The following LRRC56 variants were observed in gnomAD, a reference collection of about 807,000 sequenced individuals.
The protein encoded by LRRC56 is leucine rich repeat containing 56, also known as leucine-rich repeat-containing protein 56.
Under a neutral mutation model 47.8 loss-of-function variants are expected in LRRC56, and 41 were observed. That is an observed-to-expected ratio of 0.86 (90% CI 0.67 to 1.11). The LOEUF is 1.11. Among genes scored for constraint, LRRC56 ranks in the 50% most tolerant of loss-of-function variants. The pLI is 0.00. For synonymous variants in LRRC56, 387 were observed against 311.2 expected (o/e 1.24, Z -2.56); for missense variants, 759 against 704.2 (o/e 1.08, Z -0.88).
At chr11:533,229 A>G (rs1851215218), upstream of LRRC56, 4 of 1,472,346 alleles carry the variant, frequency 2.7e-6, no homozygotes, top group Admixed American at 2.0e-5. Flanking sequence ...GTGAGCCCAG[A>G]CCCCGGCCCT....
At chr11:528,618 G>C in the LRRC56 span, 1 of 152,238 alleles carries the variant, frequency 6.6e-6, no homozygotes, top group Non-Finnish European at 1.5e-5. Flanking sequence ...CCCGGGTGGA[G>C]AGGGCCGAGT....
the LRRC56 span, among the ~76,000 whole-genome samples, chr11:524,170 TCA>T: frequency 1.3e-5 from 2 of 152,034 alleles, no homozygotes; most frequent in Non-Finnish European, 2.9e-5. Flanking sequence ...GAAAGAAGAC[TCA>T]CATAACCCAA....
At chr11:536,856 G>C (rs7939028), upstream of LRRC56, 37,254 of 152,248 alleles carry the variant, frequency 0.24, 5,015 homozygotes, top group African/African-American at 0.35. Flanking sequence ...TGCTGACCCG[G>C]GGCTCCACCC....
Position 541,504 on chromosome 11 carries a change from G to A in LRRC56, c.178-33G>A, listed in dbSNP as rs367679267. ...GATGGAACTAAAGTGGGGAGAGCCA[G>A]GACCAGCGCTGACCCCCGGTTGGTT... On this transcript the variant is annotated intron_variant, in intron 4 of 13. Coordinates refer to ENST00000270115, the MANE Select transcript of LRRC56 (RefSeq NM_198075.4). This position sits in a 1 kb window ranked among gnomAD's most constrained non-coding sequence, Gnocchi z 4.1. The A allele has an allele frequency of 2.3e-5, 31 of 1,336,790 alleles. No individual in the cohort carries two copies. In the Middle Eastern group the frequency reaches 5.7e-4, roughly 24 times the overall value. 82.8% of individuals were successfully genotyped at this position (1,336,790 alleles called of 1,614,324 possible).
chr11:552,024 G>C, intron 11 of LRRC56, 57 bp downstream of exon 11: 1 of 1,608,424 alleles, frequency 6.2e-7, no homozygotes, highest in Non-Finnish European at 8.5e-7. Context: ...TTGCGGCCCT[G>C]ACAGTGCCCT....
the LRRC56 span, among the ~76,000 whole-genome samples, chr11:518,416 C>T: frequency 2.0e-5 from 3 of 152,110 alleles, 1 homozygote; most frequent in African/African-American, 4.8e-5. Flanking sequence ...CTCCTGACCT[C>T]GTGATCCACC....
chr11:522,545 C>T, the LRRC56 span, among the ~76,000 whole-genome samples: 5 of 151,556 alleles, frequency 3.3e-5, no homozygotes, highest in Admixed American at 6.6e-5. Context: ...GGATTACAGG[C>T]GTGAGCCACC....
upstream of LRRC56, chr11:534,407 AGGCCCAGCCC>A (rs1851329797): frequency 1.4e-6 from 1 of 709,930 alleles, no homozygotes; most frequent in African/African-American, 3.6e-5. Context: ...AGCCAGGCCC[AGGCCCAGCCC>A]CAGGCCCCAC....
chr11:532,116 C>T, the LRRC56 span: 7 of 228,822 alleles, frequency 3.1e-5, no homozygotes, highest in Non-Finnish European at 6.2e-5. Flanking sequence ...GACCCCTGAC[C>T]GGCCTCTCCC....
In LRRC56 at chr11:554,891, G is replaced by T; in HGVS notation, c.*615G>T. On this transcript the variant is annotated 3_prime_UTR_variant, in exon 14 of 14. Coordinates refer to ENST00000270115, the MANE Select transcript of LRRC56 (RefSeq NM_198075.4). The stretch of plus-strand genomic sequence containing the variant: ...GCGGTTTACTTTGTAGGCCACGTTG[G>T]TTCAATAAATGATGCAGCGGACACA... The T allele has an allele frequency of 1.1e-6, 1 of 945,742 alleles. No homozygotes were observed. Among genetic ancestry groups the T allele is most frequent in the Non-Finnish European group, 1.5e-6 (1 of 672,984 alleles). The allele number at this position is 945,742 out of a possible 1,614,324, so 58.6% of individuals were successfully genotyped here. A position where few individuals can be genotyped will look rare whatever the true frequency, so the allele number is the denominator to read the frequency against.
intron 6 of LRRC56, among the ~76,000 whole-genome samples, chr11:546,198 G>A (rs945223001): frequency 1.3e-5 from 2 of 151,596 alleles, no homozygotes; most frequent in Non-Finnish European, 2.9e-5. Flanking sequence ...GCAGTGAGCC[G>A]GGAGGCAGAT....
the LRRC56 span, among the ~76,000 whole-genome samples, chr11:518,977 G>A: frequency 1.8e-4 from 28 of 151,560 alleles, no homozygotes; most frequent in Admixed American, 5.9e-4. Context: ...GCCCCAAGAC[G>A]CGGCGCGCTT....
chr11:512,568 G>A, the LRRC56 span, among the ~76,000 whole-genome samples: 1 of 152,282 alleles, frequency 6.6e-6, no homozygotes, highest in Non-Finnish European at 1.5e-5. Context: ...CGTTTACATG[G>A]TGCGAGGAAA....
intron 3 of LRRC56, 82 bp downstream of exon 3, chr11:539,808 C>T (rs1851705690): frequency 6.6e-6 from 1 of 152,408 alleles, no homozygotes. Flanking sequence ...GGGCCAATAC[C>T]CTCAGAGGCC....
chr11:547,430 T>C lies in LRRC56; in HGVS notation c.327-2472T>C, dbSNP rs541592827. Among the ~76,000 whole-genome samples, 33 of 151,924 alleles carry C rather than the reference T, an allele frequency of 2.2e-4. No individual in the cohort carries two copies. The South Asian group carries it at 6.5e-3, about 30-fold the overall frequency. On this transcript the variant is annotated intron_variant, in intron 6 of 13. Transcript: ENST00000270115. The stretch of plus-strand genomic sequence containing the variant: ...GTGCAGTGGCGCAATCTCGGCTCAC[T>C]GCAATCTCGCCTCCCGGGTTCACGC...
rs760061263 is a variant in LRRC56, at chr11:550,069, C to G, written c.424-3C>G. The G allele has an allele frequency of 6.2e-7, 1 of 1,611,664 alleles. No homozygotes were observed. The highest frequency in any genetic ancestry group is 8.5e-7 in the Non-Finnish European group (1 of 1,178,638). ...CCCTGGCTCAGAGCCCCGCGCTGCCCAGGAACTCTACGCCTCCTACAACAA... is the reference window on the plus strand; with the variant it reads ...CCCTGGCTCAGAGCCCCGCGCTGCCGAGGAACTCTACGCCTCCTACAACAA... On this transcript the variant is annotated splice_polypyrimidine_tract_variant and splice_region_variant and intron_variant, in intron 7 of 13. Coordinates refer to ENST00000270115, the MANE Select transcript of LRRC56 (RefSeq NM_198075.4).
Position 554,265 on chromosome 11 carries a change from G to C in LRRC56, c.1618G>C (p.Val540Leu), listed in dbSNP as rs562617243. The C allele has an allele frequency of 1.5e-5, 22 of 1,492,052 alleles. No individual in the cohort carries two copies. In the East Asian group the frequency reaches 4.9e-4, roughly 33 times the overall value. 92.4% of individuals were successfully genotyped at this position (1,492,052 alleles called of 1,614,324 possible). The change falls in exon 14 of 14, where the codon GTC (valine) becomes CTC (leucine). Residue 540 changes from valine (V) to leucine (L), a missense_variant. Transcript: ENST00000270115. ...RAAELSHPSP[V>L]PT is the part of the protein sequence containing the mutation. ...AGCTGAACTCTCTCACCCCAGCCCC[G>C]TCCCCACTTAATATAGCCCCCACTG...
rs1394716852 is a variant in LRRC56 at position 549,906 on chromosome 11, T to G, written c.331T>G (p.Leu111Val). The G allele has an allele frequency of 3.1e-6, 5 of 1,612,860 alleles. No homozygotes were observed. Among genetic ancestry groups the G allele is most frequent in the Non-Finnish European group, 4.2e-6 (5 of 1,179,902 alleles). The change falls in exon 7 of 14, where the codon TTG becomes GTG. Residue 111 changes from leucine (L) to valine (V), a missense_variant. Physicochemically the swap from Leu to Val is conservative, Grantham distance 32 (BLOSUM62 1). Coordinates refer to ENST00000270115, the MANE Select transcript of LRRC56 (RefSeq NM_198075.4). ...NGSHLGSLRD[L>V]GTSLGHLQVL... ...ACCAAACCCTGCCTTCTGCAGGGAC[T>G]TGGGCACGTCTCTGGGCCACCTGCA...
At chr11:531,854 G>T in the LRRC56 span, among the ~76,000 whole-genome samples, 3 of 152,242 alleles carry the variant, frequency 2.0e-5, no homozygotes, top group African/African-American at 4.8e-5. Context: ...TTCTTGGCAG[G>T]TGCATTTCAC....
Sources: allele counts gnomAD v4.1 joint callset (sites outside exome capture counted in the v4.1 genomes callset), GRCh38; gene constraint gnomAD v4.1.1; non-coding constraint Gnocchi (gnomAD v3.1); transcripts MANE v1.5; gene names NCBI Gene and HGNC (gene_info 2026-07-23, HGNC 2026-07-21).